Variants in SAMSN1 observed in about 807,000 individuals in gnomAD.
The protein encoded by SAMSN1 is SAM domain, SH3 domain and nuclear localization signals 1.
SAMSN1 carries 31 observed loss-of-function variants against 42.0 expected under a neutral mutation model. That is an observed-to-expected ratio of 0.74 (90% confidence interval 0.55 to 1.00). The LOEUF is 1.00. Among genes scored for constraint, SAMSN1 ranks in the 50% least tolerant of loss-of-function variants. The pLI is 0.00. For synonymous variants in SAMSN1, 178 were observed against 151.9 expected (o/e 1.17, Z -1.26); for missense variants, 464 against 439.4 (o/e 1.06, Z -0.50).
intron 5 of SAMSN1, among the ~76,000 whole-genome samples, chr21:14,606,120 G>A (rs1035077232): frequency 2.0e-5 from 3 of 152,124 alleles, no homozygotes; most frequent in African/African-American, 7.2e-5. Context: ...GATTACAGGC[G>A]TGAACCACTG....
At chr21:14,623,446 G>T (rs1294389372) in intron 2 of SAMSN1, among the ~76,000 whole-genome samples, 1 of 151,756 alleles carries the variant, frequency 6.6e-6, no homozygotes, top group African/African-American at 2.4e-5. Flanking sequence ...CCAAGAAAAT[G>T]GAAAACAAAA....
At chr21:14,615,429 G>A (rs1042946024) in intron 3 of SAMSN1, among the ~76,000 whole-genome samples, 2 of 152,140 alleles carry the variant, frequency 1.3e-5, no homozygotes, top group Non-Finnish European at 2.9e-5. Context: ...CAGGGTGCAA[G>A]GAAGCCATTC....
rs143886974 is a variant in SAMSN1 at position 14,566,231 on chromosome 21, T to A, written c.261+15905A>T. The stretch of plus-strand genomic sequence containing the variant: ...ATATAGCTATCAAATTTACTAATTG[T>A]GTTAAATAAGGATATCCAAGTGTTG... On this transcript the variant is annotated intron_variant, in intron 2 of 8. Transcript: ENST00000285670. Among the ~76,000 whole-genome samples the A allele has an allele frequency of 2.3e-3, 347 of 152,304 alleles. 2 individuals are homozygous for A. Among genetic ancestry groups the A allele is most frequent in the African/African-American group, 6.8e-3 (283 of 41,574 alleles).
intron 7 of SAMSN1, among the ~76,000 whole-genome samples, 199 bp downstream of exon 7, chr21:14,498,243 A>G (rs1046909250): frequency 3.9e-5 from 6 of 152,242 alleles, no homozygotes; most frequent in Non-Finnish European, 7.3e-5. Context: ...TCCTGAGTCC[A>G]ATAAGGAAAT....
chr21:14,658,863 C>G (rs1983956321), upstream of SAMSN1: 1 of 698,392 alleles, frequency 1.4e-6, no homozygotes, highest in South Asian at 1.5e-5. Flanking sequence ...TTGGCCAGTT[C>G]TCATGGGAGA....
intron 2 of SAMSN1, among the ~76,000 whole-genome samples, chr21:14,575,203 A>G (rs967873555): frequency 3.9e-5 from 6 of 152,130 alleles, no homozygotes; most frequent in African/African-American, 1.4e-4. Flanking sequence ...TAATTTTCAA[A>G]TTCTTCTCTT....
At chr21:14,623,271 A>G (rs1470758425) in intron 2 of SAMSN1, among the ~76,000 whole-genome samples, 1 of 152,228 alleles carries the variant, frequency 6.6e-6, no homozygotes, top group Non-Finnish European at 1.5e-5. Flanking sequence ...ACATAACAAT[A>G]TTAACCTTAA....
chr21:14,645,547 C>T (rs912101313), intron 1 of SAMSN1, among the ~76,000 whole-genome samples: 2 of 152,198 alleles, frequency 1.3e-5, no homozygotes, highest in Non-Finnish European at 2.9e-5. Flanking sequence ...GGGACAGCTA[C>T]AAATAATCCA....
intron 7 of SAMSN1, among the ~76,000 whole-genome samples, chr21:14,494,912 CT>C (rs1300179619): frequency 6.6e-6 from 1 of 152,114 alleles, no homozygotes; most frequent in Non-Finnish European, 1.5e-5. Context: ...TCTACATTAT[CT>C]CAAAATTTTA....
chr21:14,568,329 C>G (rs922084742), intron 2 of SAMSN1, among the ~76,000 whole-genome samples: 4 of 152,190 alleles, frequency 2.6e-5, no homozygotes, highest in African/African-American at 9.6e-5. Flanking sequence ...CACATCTAAG[C>G]AGCACTGAGC....
chr21:14,517,277 C>T (rs999042384), intron 2 of SAMSN1, among the ~76,000 whole-genome samples: 3 of 152,230 alleles, frequency 2.0e-5, no homozygotes, highest in Admixed American at 2.0e-4. Context: ...TTGAGCCTCA[C>T]ATCTGCAACT....
At chr21:14,550,805 AG>A (rs1980568777), upstream of SAMSN1, among the ~76,000 whole-genome samples, 3 of 79,496 alleles carry the variant, frequency 3.8e-5, no homozygotes, top group Non-Finnish European at 7.5e-5. Flanking sequence ...AAAGGAAAAG[AG>A]AGCTTAGTGA....
intron 1 of SAMSN1, among the ~76,000 whole-genome samples, chr21:14,652,946 A>G (rs1278176216): frequency 6.6e-6 from 1 of 152,138 alleles, no homozygotes; most frequent in South Asian, 2.1e-4. Flanking sequence ...GCTCAACGTC[A>G]TTTATCATCA....
intron 1 of SAMSN1, among the ~76,000 whole-genome samples, chr21:14,530,878 C>CA (rs1159376166): frequency 2.6e-5 from 4 of 152,074 alleles, no homozygotes; most frequent in African/African-American, 9.7e-5. Flanking sequence ...GAGGGCAATT[C>CA]AAAAGATGGA....
intron 2 of SAMSN1, among the ~76,000 whole-genome samples, chr21:14,564,801 G>A (rs1981057462): frequency 6.6e-6 from 1 of 152,084 alleles, no homozygotes; most frequent in Non-Finnish European, 1.5e-5. Context: ...AAGACCCAAG[G>A]GAGTATTTTT....
At chr21:14,521,585 GTAGTAC>G (rs1978484560) in intron 1 of SAMSN1, among the ~76,000 whole-genome samples, 2 of 152,266 alleles carry the variant, frequency 1.3e-5, no homozygotes, top group South Asian at 2.1e-4. Context: ...TTAACAGCAT[GTAGTAC>G]TAACCAACCA....
intron 6 of SAMSN1, among the ~76,000 whole-genome samples, chr21:14,499,802 A>G (rs1987068559): frequency 6.6e-6 from 1 of 152,190 alleles, no homozygotes; most frequent in South Asian, 2.1e-4. Context: ...ACATAACTAG[A>G]TAATTCAGAA....
At chr21:14,594,171 G>T in intron 6 of SAMSN1, 2 of 604,602 alleles carry the variant, frequency 3.3e-6, no homozygotes, top group South Asian at 2.0e-5. Context: ...AAACTAATTG[G>T]GAAAGGATTC....
At chr21:14,577,683 T>A (rs1006173103) in intron 2 of SAMSN1, among the ~76,000 whole-genome samples, 1 of 152,142 alleles carries the variant, frequency 6.6e-6, no homozygotes, top group Non-Finnish European at 1.5e-5. Flanking sequence ...TTTGAAACAC[T>A]TGGCTTCAAA....
Sources: gnomAD v4.1 joint callset for allele counts (sites outside exome capture counted in the v4.1 genomes callset) on GRCh38, gnomAD v4.1.1 for gene constraint, MANE v1.5 for transcripts, NCBI Gene and HGNC (gene_info 2026-07-23, HGNC 2026-07-21) for gene names.